The following IL1RAPL1 variants were observed in gnomAD, a reference collection of about 807,000 sequenced individuals.
The protein encoded by IL1RAPL1 is interleukin-1 receptor accessory protein-like 1.
Under a neutral mutation model 48.4 loss-of-function variants are expected in IL1RAPL1, and 3 were observed. The observed-to-expected ratio is 0.06, with a 90% CI of 0.03 to 0.16. IL1RAPL1 has a LOEUF of 0.16. IL1RAPL1 is among the 10% of genes least tolerant of loss of function. The pLI, the probability that IL1RAPL1 is intolerant of heterozygous loss-of-function variation, is 1.00. For synonymous variants in IL1RAPL1, 185 were observed against 187.7 expected (o/e 0.99, Z 0.12); for missense variants, 349 against 530.6 (o/e 0.66, Z 3.36).
chrX:29,228,332 A>AGTGTGTGTGTGTGTGTGT (rs1555978439), intron 2 of IL1RAPL1, among the ~76,000 whole-genome samples: 11 of 79,564 alleles, frequency 1.4e-4, no homozygotes, highest in African/African-American at 5.2e-4. Flanking sequence ...AGTTTTGCCT[A>AGTGTGTGTGTGTGTGTGT]GTGTGTGTGT....
At chrX:29,400,752 A>T (rs1933983198) in intron 5 of IL1RAPL1, among the ~76,000 whole-genome samples, 1 of 111,928 alleles carries the variant, frequency 8.9e-6, no homozygotes, top group Admixed American at 9.5e-5. Context: ...CTATACAATC[A>T]ATTTTGAAAT....
intron 1 of IL1RAPL1, among the ~76,000 whole-genome samples, chrX:28,629,971 A>G (rs1326401931): frequency 8.9e-6 from 1 of 111,809 alleles, no homozygotes; most frequent in East Asian, 2.8e-4. Flanking sequence ...CTTCTCAGCA[A>G]CTTGCCTCCT....
At chrX:29,620,840 T>C (rs1924438570) in intron 5 of IL1RAPL1, among the ~76,000 whole-genome samples, 1 of 112,622 alleles carries the variant, frequency 8.9e-6, no homozygotes, top group African/African-American at 3.2e-5. Context: ...CTTACGTCAG[T>C]CTTTCTTAAC....
intron 5 of IL1RAPL1, among the ~76,000 whole-genome samples, chrX:29,581,595 T>C (rs1922962136): frequency 8.9e-6 from 1 of 112,222 alleles, no homozygotes; most frequent in Non-Finnish European, 1.9e-5. Context: ...TGCAGGCACA[T>C]CAAAGCTGAG....
intron 2 of IL1RAPL1, among the ~76,000 whole-genome samples, chrX:29,197,999 G>A (rs778877338): frequency 3.6e-5 from 4 of 111,417 alleles, no homozygotes; most frequent in Non-Finnish European, 5.7e-5. Flanking sequence ...GTGAGCCACC[G>A]TGCCCGGCCT....
At chrX:29,954,406 G>T in intron 9 of IL1RAPL1, 116 bp from the exon 10 acceptor site, 1 of 569,298 alleles carries the variant, frequency 1.8e-6, no homozygotes, top group Non-Finnish European at 2.9e-6. Flanking sequence ...TTCATTTTTC[G>T]GTCTTTCAGA....
chrX:29,199,844 A>G (rs1930519902), intron 2 of IL1RAPL1, among the ~76,000 whole-genome samples: 1 of 111,867 alleles, frequency 8.9e-6, no homozygotes, highest in Admixed American at 9.5e-5. Flanking sequence ...TAATGGTATG[A>G]AACGAATGGA....
At chrX:28,860,667 C>T (rs1254261484) in intron 2 of IL1RAPL1, among the ~76,000 whole-genome samples, 1 of 109,923 alleles carries the variant, frequency 9.1e-6, no homozygotes, top group Non-Finnish European at 1.9e-5. Flanking sequence ...CCATGTTGGC[C>T]AGGCTGGTCT....
intron 6 of IL1RAPL1, among the ~76,000 whole-genome samples, chrX:29,741,595 G>C (rs976289120): frequency 2.7e-5 from 3 of 110,349 alleles, no homozygotes; most frequent in African/African-American, 9.9e-5. Context: ...ACATTCTTGG[G>C]ACAGTCTGCA....
At chrX:29,074,185 A>G (rs1460250031) in intron 2 of IL1RAPL1, among the ~76,000 whole-genome samples, 1 of 111,732 alleles carries the variant, frequency 8.9e-6, no homozygotes, top group Non-Finnish European at 1.9e-5. Flanking sequence ...TAAATAATGA[A>G]TTGAACACAA....
intron 2 of IL1RAPL1, among the ~76,000 whole-genome samples, chrX:28,866,106 C>T (rs577106975): frequency 1.8e-5 from 2 of 111,578 alleles, no homozygotes; most frequent in African/African-American, 6.5e-5. Flanking sequence ...CATTATAATA[C>T]GTTTGTTTGC....
chrX:29,665,788 A>C (rs1315875377), intron 5 of IL1RAPL1, among the ~76,000 whole-genome samples: 1 of 112,137 alleles, frequency 8.9e-6, no homozygotes, highest in Admixed American at 9.5e-5. Context: ...ATAATACCAA[A>C]ACATGACACT....
Position 28,873,523 on chromosome X carries a change from C to CTTTTTTTTTTT in IL1RAPL1, c.82+84114_82+84124dup, listed in dbSNP as rs10554661. ...TTCTCAATTATTGTTTTCTTTCTTT[C>CTTTTTTTTTTT]TTTTTTTTTTTTTTTTTTTTTTTTT... On this transcript the variant is annotated intron_variant, in intron 2 of 10. Transcript: ENST00000378993. 9.5e-4 allele frequency among the ~76,000 whole-genome samples: 54 copies of CTTTTTTTTTTT among 56,659 alleles called. 7 individuals carry two copies. The highest frequency in any genetic ancestry group is 4.3e-3 in the African/African-American group (53 of 12,401). 49.2% of individuals were successfully genotyped at this position (56,659 alleles called of 115,157 possible).
chrX:29,086,162 C>G (rs1235815670), intron 2 of IL1RAPL1, among the ~76,000 whole-genome samples: 2 of 112,201 alleles, frequency 1.8e-5, no homozygotes, highest in Non-Finnish European at 3.8e-5. Context: ...AGAATAAACA[C>G]AGGAACATGT....
At chrX:29,942,627 T>C (rs1056214352) in intron 9 of IL1RAPL1, among the ~76,000 whole-genome samples, 3 of 110,550 alleles carry the variant, frequency 2.7e-5, no homozygotes, top group African/African-American at 9.9e-5. Context: ...TCATTTTTTT[T>C]TTTTTTAGTG....
chrX:29,893,192 G>A (rs1036186979), intron 6 of IL1RAPL1, among the ~76,000 whole-genome samples: 5 of 111,262 alleles, frequency 4.5e-5, no homozygotes, highest in African/African-American at 6.5e-5. Flanking sequence ...TCCCTATAAC[G>A]AACCTAGGAG....
Position 29,276,105 on chromosome X carries a change from C to T in IL1RAPL1, c.83-6833C>T, listed in dbSNP as rs757447050. Among the ~76,000 whole-genome samples the T allele has an allele frequency of 8.9e-5, 10 of 111,782 alleles. No homozygotes were observed. The South Asian group carries it at 1.5e-3, about 17-fold the overall frequency. On this transcript the variant is annotated intron_variant, in intron 2 of 10. Transcript: ENST00000378993. ...TCTAACAGGCCTTCCCTGTGAGGCT[C>T]CTCTAAATTGGGAAAAGGATTAAAT... is the stretch of plus-strand genomic sequence containing the variant.
chrX:28,762,780 G>A (rs754527493), intron 1 of IL1RAPL1, among the ~76,000 whole-genome samples: 5 of 64,917 alleles, frequency 7.7e-5, no homozygotes, highest in South Asian at 1.7e-3. Flanking sequence ...TAATACGCAC[G>A]CGCGCGCACA....
At chrX:29,498,170 G>A (rs1935233931) in intron 5 of IL1RAPL1, among the ~76,000 whole-genome samples, 1 of 111,939 alleles carries the variant, frequency 8.9e-6, no homozygotes, top group African/African-American at 3.2e-5. Context: ...TGACAGTCGT[G>A]ATTTTTCTGT....
Sources: allele counts gnomAD v4.1 joint callset (sites outside exome capture counted in the v4.1 genomes callset), GRCh38; gene constraint gnomAD v4.1.1; transcripts MANE v1.5; gene names NCBI Gene and HGNC (gene_info 2026-07-23, HGNC 2026-07-21).